Variants in SFXN2 observed in about 807,000 individuals in gnomAD.
SFXN2 encodes the protein sideroflexin 2, also known as sideroflexin-2.
A neutral mutation model predicts 41.9 loss-of-function variants in SFXN2; 37 were observed. That is an observed-to-expected ratio of 0.88 (90% confidence interval 0.68 to 1.16). The LOEUF (loss-of-function observed/expected upper bound fraction) is 1.16, where lower values mean the gene tolerates loss of function less well. SFXN2 is among the 50% of genes most tolerant of loss of function. The pLI is 0.00. For synonymous variants in SFXN2, 150 were observed against 156.7 expected (o/e 0.96, Z 0.32); for missense variants, 386 against 425.2 (o/e 0.91, Z 0.81).
At position 102,737,938 on chromosome 10, in the gene SFXN2, A is replaced by C; in HGVS notation, c.*176A>C. ...CCCTGGTACTGGTTGATTGGACCTC[A>C]GGGGAAAAAAGTGAAAAAGGGTAGC... On this transcript the variant is annotated 3_prime_UTR_variant, in exon 12 of 12. Transcript: ENST00000369893. 2.4e-6 allele frequency: 1 copy of C among 422,792 alleles called. No individual in the cohort carries two copies. The highest frequency in any genetic ancestry group is 2.0e-5 in the African/African-American group (1 of 49,898). The allele number at this position is 422,792 out of a possible 1,614,324, so 26.2% of individuals were successfully genotyped here. A position where few individuals can be genotyped will look rare whatever the true frequency, so the allele number is the denominator to read the frequency against.
chr10:102,728,189 C>G (rs1168775611), intron 3 of SFXN2, among the ~76,000 whole-genome samples: 2 of 152,096 alleles, frequency 1.3e-5, no homozygotes, highest in Non-Finnish European at 2.9e-5. Flanking sequence ...GTCCCAGCCA[C>G]TTGGGAGGCT....
intron 11 of SFXN2, among the ~76,000 whole-genome samples, 161 bp downstream of exon 11, chr10:102,736,070 T>A (rs765547011): frequency 6.6e-6 from 1 of 152,134 alleles, no homozygotes; most frequent in African/African-American, 2.4e-5. Flanking sequence ...TTAACCCTGG[T>A]GAATTCTGAC....
chr10:102,734,544 C>T lies in SFXN2; in HGVS notation c.821+941C>T, dbSNP rs2064747100. 6.6e-6 allele frequency among the ~76,000 whole-genome samples: 1 copy of T among 152,208 alleles called. No homozygotes were observed. Among genetic ancestry groups the T allele is most frequent in the African/African-American group, 2.4e-5 (1 of 41,458 alleles). The stretch of plus-strand genomic sequence containing the variant: ...TTGCCCAAGGGTATATAGCTGGTAA[C>T]TGCTGGAGCTGAGATTTGATCAACA... On this transcript the variant is annotated intron_variant, in intron 10 of 11. Coordinates refer to ENST00000369893, the MANE Select transcript of SFXN2 (RefSeq NM_178858.6). This position sits in a 1 kb window ranked among gnomAD's most constrained non-coding sequence, Gnocchi z 4.1.
rs1267390112 is a variant in SFXN2, at chr10:102,740,912, T to C, written c.*3150T>C. On this transcript the variant is annotated 3_prime_UTR_variant, in exon 12 of 12. Coordinates refer to ENST00000369893, the MANE Select transcript of SFXN2 (RefSeq NM_178858.6). ...GATGTTCTTTCAGAACATACAATGT[T>C]TCCCCTTCCTTCTCAGCTCCTCAAG... 6.6e-6 allele frequency: 1 copy of C among 152,216 alleles called. No individual in the cohort carries two copies. 9.4% of individuals were successfully genotyped at this position (152,216 alleles called of 1,614,324 possible).
chr10:102,735,962 T>G, intron 11 of SFXN2, 53 bp downstream of exon 11: 2 of 1,539,222 alleles, frequency 1.3e-6, no homozygotes, highest in Non-Finnish European at 1.8e-6. Flanking sequence ...GCCAGCGCGC[T>G]CCCTGATCTG....
intron 1 of SFXN2, chr10:102,716,580 T>C (rs1206713223): frequency 6.9e-6 from 1 of 145,540 alleles, no homozygotes; most frequent in Non-Finnish European, 1.5e-5. Context: ...TTTTTTTTTT[T>C]TTTTTGAGAT....
intron 1 of SFXN2, among the ~76,000 whole-genome samples, chr10:102,724,132 T>C (rs1181968444): frequency 6.6e-6 from 1 of 152,260 alleles, no homozygotes; most frequent in Non-Finnish European, 1.5e-5. Context: ...ATTAGTTTGC[T>C]AAGGATAATG....
chr10:102,736,960 G>T (rs2064789766), intron 11 of SFXN2, among the ~76,000 whole-genome samples: 1 of 151,628 alleles, frequency 6.6e-6, no homozygotes, highest in Non-Finnish European at 1.5e-5. Context: ...TTCAAGACCA[G>T]CCTGACCAAC....
intron 1 of SFXN2, among the ~76,000 whole-genome samples, chr10:102,722,339 G>GAGTGTGCAA: frequency 6.6e-6 from 1 of 152,206 alleles, no homozygotes; most frequent in Admixed American, 6.5e-5. Context: ...CCACTGCATG[G>GAGTGTGCAA]AGTGTGCAAG....
At chr10:102,720,995 TG>T (rs1386185304) in intron 1 of SFXN2, among the ~76,000 whole-genome samples, 1 of 152,052 alleles carries the variant, frequency 6.6e-6, no homozygotes, top group Non-Finnish European at 1.5e-5. Flanking sequence ...CCTAATCAGG[TG>T]GAAGCCCTTT....
At chr10:102,719,364 G>A (rs1409181284) in intron 1 of SFXN2, among the ~76,000 whole-genome samples, 1 of 151,480 alleles carries the variant, frequency 6.6e-6, no homozygotes, top group Non-Finnish European at 1.5e-5. Flanking sequence ...TAGGATGATA[G>A]GTGCCTGCCA....
Sources: gnomAD v4.1 joint callset for allele counts (sites outside exome capture counted in the v4.1 genomes callset) on GRCh38, gnomAD v4.1.1 for gene constraint, Gnocchi (gnomAD v3.1) non-coding constraint, MANE v1.5 for transcripts, NCBI Gene and HGNC (gene_info 2026-07-23, HGNC 2026-07-21) for gene names.